The following RNF150 variants were observed in gnomAD, a reference collection of about 807,000 sequenced individuals.
The protein encoded by RNF150 is ring finger protein 150.
RNF150 carries 24 observed loss-of-function variants against 39.3 expected under a neutral mutation model. That is an observed-to-expected ratio of 0.61 (90% CI 0.44 to 0.86). RNF150 has a LOEUF of 0.86. Ranked by LOEUF, RNF150 falls within the 40% of genes least tolerant of loss-of-function variation. The pLI, the probability that RNF150 is intolerant of heterozygous loss-of-function variation, is 0.00. For missense variants in RNF150, 502 were observed against 587.8 expected (o/e 0.85, Z 1.51); for synonymous variants, 255 against 227.3 (o/e 1.12, Z -1.10).
chr4:141,124,941 G>T (rs1238936843), intron 1 of RNF150, among the ~76,000 whole-genome samples: 1 of 152,072 alleles, frequency 6.6e-6, no homozygotes, highest in Non-Finnish European at 1.5e-5. Context: ...TGCCTAACAT[G>T]CCAATGCATA....
chr4:140,993,505 A>G (rs1398895078), intron 1 of RNF150, among the ~76,000 whole-genome samples: 1 of 152,192 alleles, frequency 6.6e-6, no homozygotes, highest in Admixed American at 6.5e-5. Context: ...TGCCTCCCAT[A>G]GTGAAAGTAG....
intron 5 of RNF150, among the ~76,000 whole-genome samples, chr4:140,920,350 AAAC>A (rs1447576798): frequency 4.9e-5 from 5 of 102,776 alleles, no homozygotes; most frequent in African/African-American, 1.7e-4. Context: ...AGAAAAAAAC[AAAC>A]AACCCCATCA....
At chr4:141,147,613 G>T (rs1370412192) in intron 1 of RNF150, among the ~76,000 whole-genome samples, 8 of 152,152 alleles carry the variant, frequency 5.3e-5, no homozygotes, top group African/African-American at 1.9e-4. Flanking sequence ...AAAATAACTG[G>T]ATCTTAGCCA....
chr4:141,208,558 C>G (rs17428238), intron 1 of RNF150, among the ~76,000 whole-genome samples: 33,655 of 152,138 alleles, frequency 0.22, 3,961 homozygotes, highest in South Asian at 0.32. Context: ...ATGCTAGCAG[C>G]TATACCTTAA....
Position 141,056,034 on chromosome 4 carries a change from C to T in RNF150, c.484+76291G>A, listed in dbSNP as rs144857708. Among the ~76,000 whole-genome samples the T allele has an allele frequency of 3.3e-5, 5 of 152,268 alleles. No individual in the cohort carries two copies. The East Asian group carries it at 9.6e-4, about 29-fold the overall frequency. On this transcript the variant is annotated intron_variant, in intron 1 of 6. Transcript: ENST00000515673. Reference sequence around the variant, plus strand: ...CATAATTTAGGTGTTCCTCTCTTTACATCAAGAGGGTAACTGTTGACTCCA... The same window carrying T: ...CATAATTTAGGTGTTCCTCTCTTTATATCAAGAGGGTAACTGTTGACTCCA...
rs1006085249 is a variant in RNF150 at position 141,075,456 on chromosome 4, T to C, written c.484+56869A>G. Among the ~76,000 whole-genome samples the C allele has an allele frequency of 3.3e-5, 5 of 152,374 alleles. No individual in the cohort carries two copies. The South Asian group carries it at 8.3e-4, about 25-fold the overall frequency. ...GTTAAAAATTTGAGGGTAGCACTGA[T>C]ATCCATTGTTATGTTTACTAATTAG... On this transcript the variant is annotated intron_variant, in intron 1 of 6. Transcript: ENST00000515673.
intron 1 of RNF150, among the ~76,000 whole-genome samples, chr4:140,983,209 T>G (rs1387647283): frequency 6.6e-6 from 1 of 152,124 alleles, no homozygotes; most frequent in Non-Finnish European, 1.5e-5. Flanking sequence ...AGCTCTTCAT[T>G]TTTAGCTGTA....
chr4:141,115,783 C>A (rs1739531641), intron 1 of RNF150, among the ~76,000 whole-genome samples: 1 of 152,020 alleles, frequency 6.6e-6, no homozygotes, highest in South Asian at 2.1e-4. Context: ...GGTACGGATA[C>A]CAAAACAGAT....
chr4:141,002,838 A>G (rs1302238452), intron 1 of RNF150, among the ~76,000 whole-genome samples: 1 of 147,452 alleles, frequency 6.8e-6, no homozygotes, highest in South Asian at 2.1e-4. Flanking sequence ...TGTTTTCCCA[A>G]TAATGAAGTC....
intron 1 of RNF150, among the ~76,000 whole-genome samples, chr4:141,101,515 C>T (rs1739009301): frequency 6.6e-6 from 1 of 152,008 alleles, no homozygotes; most frequent in Non-Finnish European, 1.5e-5. Context: ...GAAGCACCTG[C>T]CCAAATGGTT....
intron 4 of RNF150, among the ~76,000 whole-genome samples, chr4:140,945,944 A>G (rs111330201): frequency 8.4e-4 from 128 of 152,318 alleles, no homozygotes; most frequent in Admixed American, 1.6e-3. Flanking sequence ...CTGCAGAGAT[A>G]AAAGATGTTG....
At chr4:141,002,947 G>A (rs950470181) in intron 1 of RNF150, among the ~76,000 whole-genome samples, 21 of 152,056 alleles carry the variant, frequency 1.4e-4, no homozygotes, top group African/African-American at 3.9e-4. Context: ...ATTCACCACT[G>A]TACAGCTAGT....
At chr4:140,899,964 C>CAT (rs1560955047) in intron 6 of RNF150, among the ~76,000 whole-genome samples, 1 of 118,834 alleles carries the variant, frequency 8.4e-6, no homozygotes, top group Non-Finnish European at 1.8e-5. Context: ...CTCTCTCTCT[C>CAT]TCTCTCTCTC....
chr4:140,918,653 C>A (rs372585599), intron 5 of RNF150, among the ~76,000 whole-genome samples: 8 of 151,776 alleles, frequency 5.3e-5, no homozygotes, highest in Non-Finnish European at 1.0e-4. Flanking sequence ...CCAATCAATA[C>A]AAAAAGAGGA....
intron 6 of RNF150, among the ~76,000 whole-genome samples, chr4:140,888,087 A>G (rs1420728661): frequency 1.3e-5 from 2 of 152,214 alleles, no homozygotes; most frequent in Non-Finnish European, 2.9e-5. Context: ...AACCTTAAGG[A>G]TTGTAAGTAA....
At chr4:140,966,828 C>T (rs1346892555) in intron 2 of RNF150, among the ~76,000 whole-genome samples, 1 of 152,092 alleles carries the variant, frequency 6.6e-6, no homozygotes, top group Non-Finnish European at 1.5e-5. Flanking sequence ...ACTAAACTTC[C>T]AGGATTTTAC....
chr4:141,114,942 C>A (rs753224255), intron 1 of RNF150, among the ~76,000 whole-genome samples: 33 of 152,124 alleles, frequency 2.2e-4, no homozygotes, highest in Non-Finnish European at 4.1e-4. Context: ...CAATTCAACA[C>A]CTCTTCATGA....
chr4:140,941,704 A>G (rs1732088750), intron 4 of RNF150, among the ~76,000 whole-genome samples: 1 of 152,198 alleles, frequency 6.6e-6, no homozygotes, highest in Non-Finnish European at 1.5e-5. Context: ...AAAGCCAGGG[A>G]AGAGGCAATG....
chr4:140,947,654 C>T lies in RNF150; in HGVS notation c.890G>A (p.Arg297Gln), dbSNP rs200661337. The T allele has an allele frequency of 7.5e-5, 121 of 1,609,018 alleles. No homozygotes were observed. Among genetic ancestry groups the T allele is most frequent in the Middle Eastern group, 5.0e-4 (3 of 6,022 alleles). ...PNDVVRILPC[R>Q]HLFHKSCVDP... ...AAAAGCAGGCAGCCTAGTGACTCAC[C>T]GGCAGGGCAGGATCCGGACAACGTC... The change falls in exon 4 of 7, where the codon CGG becomes CAG. Residue 297 changes from arginine (R) to glutamine (Q), a missense_variant and splice_region_variant. Physicochemically the swap from Arg to Gln is conservative, Grantham distance 43. Coordinates refer to ENST00000515673, the MANE Select transcript of RNF150 (RefSeq NM_020724.2).
Sources: allele counts gnomAD v4.1 joint callset (sites outside exome capture counted in the v4.1 genomes callset), GRCh38; gene constraint gnomAD v4.1.1; transcripts MANE v1.5; gene names NCBI Gene and HGNC (gene_info 2026-07-23, HGNC 2026-07-21).